Variants in ATP8A2 observed in about 807,000 individuals in gnomAD.
ATP8A2 encodes ATPase phospholipid transporting 8A2.
Under a neutral mutation model 165.6 loss-of-function variants are expected in ATP8A2, and 100 were observed. That is an observed-to-expected ratio of 0.60 (90% CI 0.51 to 0.71). ATP8A2 has a LOEUF of 0.71. Ranked by LOEUF, ATP8A2 falls within the 30% of genes least tolerant of loss-of-function variation. The pLI is 0.00. For missense variants in ATP8A2, 1,227 were observed against 1,479.5 expected (o/e 0.83, Z 2.80); for synonymous variants, 543 against 548.8 (o/e 0.99, Z 0.15).
intron 27 of ATP8A2, among the ~76,000 whole-genome samples, chr13:25,819,067 A>G (rs550519668): frequency 6.6e-6 from 1 of 152,344 alleles, no homozygotes; most frequent in African/African-American, 2.4e-5. Context: ...CTCAGGAATC[A>G]ATAGAAACAG....
rs139123022 is a variant in ATP8A2 at position 25,699,731 on chromosome 13, T to C, written c.2384+386T>C. On this transcript the variant is annotated intron_variant, in intron 25 of 36. Coordinates refer to ENST00000381655, the MANE Select transcript of ATP8A2 (RefSeq NM_016529.6). The stretch of plus-strand genomic sequence containing the variant: ...TTTGATGCTTCTTTTCTGGCGTTTG[T>C]TGGGGTATTTCTTTTCAGTTAAGGA... 2.6e-3 allele frequency among the ~76,000 whole-genome samples: 394 copies of C among 152,252 alleles called. 2 individuals are homozygous for C. The highest frequency in any genetic ancestry group is 9.1e-3 in the African/African-American group (377 of 41,546).
At chr13:25,463,589 A>C (rs115106176) in intron 1 of ATP8A2, among the ~76,000 whole-genome samples, 1,752 of 152,292 alleles carry the variant, frequency 0.012, 38 homozygotes, top group African/African-American at 0.04. Context: ...TGTAAGGTCC[A>C]TCATTGTCCT....
intron 24 of ATP8A2, among the ~76,000 whole-genome samples, chr13:25,613,097 G>A (rs1034758555): frequency 6.6e-6 from 1 of 152,096 alleles, no homozygotes; most frequent in Admixed American, 6.5e-5. Context: ...TATATTTTAG[G>A]TGGAGCATAT....
At chr13:25,525,953 T>A (rs71431756) in intron 2 of ATP8A2, among the ~76,000 whole-genome samples, 2,297 of 152,242 alleles carry the variant, frequency 0.015, 64 homozygotes, top group East Asian at 0.1. Context: ...CTTTGTCTTT[T>A]GAGGTAATTT....
chr13:25,871,843 C>T (rs530864418), intron 33 of ATP8A2, among the ~76,000 whole-genome samples: 7 of 152,072 alleles, frequency 4.6e-5, no homozygotes, highest in Non-Finnish European at 1.0e-4. Flanking sequence ...ATGTATACTT[C>T]GATTCGCAAT....
At chr13:25,871,280 C>A in intron 33 of ATP8A2, 2 of 297,716 alleles carry the variant, frequency 6.7e-6, no homozygotes, top group South Asian at 2.7e-5. Context: ...TGGTTTTGAA[C>A]TTTTCCTTTC....
intron 2 of ATP8A2, among the ~76,000 whole-genome samples, chr13:25,472,018 G>A (rs768661676): frequency 6.6e-6 from 1 of 152,166 alleles, no homozygotes; most frequent in Non-Finnish European, 1.5e-5. Flanking sequence ...TCTTTAAAAT[G>A]GCCTTTGAGT....
intron 2 of ATP8A2, among the ~76,000 whole-genome samples, chr13:25,506,973 A>C (rs1373478217): frequency 1.4e-5 from 2 of 140,500 alleles, no homozygotes; most frequent in East Asian, 3.9e-4. Context: ...CTTATTTTAC[A>C]TATAAAACTT....
chr13:25,450,281 A>G (rs2035177243), intron 1 of ATP8A2, among the ~76,000 whole-genome samples: 1 of 152,200 alleles, frequency 6.6e-6, no homozygotes, highest in African/African-American at 2.4e-5. Context: ...GCTGCAATGA[A>G]CATGCGTGCA....
chr13:25,452,490 A>G (rs1456745204), intron 1 of ATP8A2, among the ~76,000 whole-genome samples: 1 of 152,134 alleles, frequency 6.6e-6, no homozygotes, highest in Non-Finnish European at 1.5e-5. Context: ...ATATCAATAT[A>G]GTTTTCTTGA....
At chr13:25,693,629 G>T (rs190708461) in intron 24 of ATP8A2, among the ~76,000 whole-genome samples, 2 of 152,172 alleles carry the variant, frequency 1.3e-5, no homozygotes, top group East Asian at 3.9e-4. Flanking sequence ...AGGCTGAATA[G>T]CCCACCAAGA....
intron 25 of ATP8A2, among the ~76,000 whole-genome samples, chr13:25,711,391 T>TA (rs1043202009): frequency 3.3e-5 from 5 of 152,006 alleles, no homozygotes; most frequent in African/African-American, 1.2e-4. Flanking sequence ...GGTATGGAAT[T>TA]AAAGTATTTT....
rs1221659501 is a variant in ATP8A2 at position 25,774,783 on chromosome 13, ATTCTGT to A, written c.2569-63_2569-58del. 81 of 910,930 alleles carry A rather than the reference ATTCTGT, an allele frequency of 8.9e-5. No homozygotes were observed. In the Admixed American group the frequency reaches 1.5e-3, roughly 17 times the overall value. The allele number at this position is 910,930 out of a possible 1,614,324, so 56.4% of individuals were successfully genotyped here. On this transcript the variant is annotated intron_variant, in intron 26 of 36. Coordinates refer to ENST00000381655, the MANE Select transcript of ATP8A2 (RefSeq NM_016529.6). ...TTATCTGACTTCTGTTCATAAGGAC[ATTCTGT>A]TTGTGACTTTTATTCCTCAATGATG...
chr13:25,430,236 G>C (rs1027679778), intron 1 of ATP8A2, among the ~76,000 whole-genome samples: 2 of 152,002 alleles, frequency 1.3e-5, no homozygotes, highest in African/African-American at 4.8e-5. Context: ...GACCTCTGGC[G>C]AATGTGCAGC....
rs1566075560 is a variant in ATP8A2 at position 25,719,467 on chromosome 13, G to GGA, written c.2384+20122_2384+20123insGA. Among the ~76,000 whole-genome samples the GGA allele has an allele frequency of 9.1e-4, 136 of 150,240 alleles. 1 individual carries two copies. Among genetic ancestry groups the GGA allele is most frequent in the African/African-American group, 3.1e-3 (125 of 40,066 alleles). On this transcript the variant is annotated intron_variant, in intron 25 of 36. Transcript: ENST00000381655. ...GGTGGATGGGTGGATGGGTGGATGG[G>GGA]TGGATGGATGGATGGATGGATGGAT...
At chr13:25,773,558 G>A (rs2044673670) in intron 26 of ATP8A2, among the ~76,000 whole-genome samples, 1 of 152,178 alleles carries the variant, frequency 6.6e-6, no homozygotes, top group Admixed American at 6.5e-5. Context: ...TCAAACCACA[G>A]GAGCCATCAC....
intron 24 of ATP8A2, among the ~76,000 whole-genome samples, chr13:25,655,383 C>T (rs866032771): frequency 5.9e-5 from 9 of 152,180 alleles, no homozygotes; most frequent in Admixed American, 3.3e-4. Flanking sequence ...TGGTCTCGAA[C>T]TCCGACCTCA....
At chr13:25,480,731 G>A (rs1478707250) in intron 2 of ATP8A2, among the ~76,000 whole-genome samples, 1 of 151,002 alleles carries the variant, frequency 6.6e-6, no homozygotes, top group East Asian at 2.0e-4. Flanking sequence ...AGGCAGAGAC[G>A]CTCCTCACTT....
At chr13:25,567,573 G>A (rs923575308) in intron 16 of ATP8A2, among the ~76,000 whole-genome samples, 2 of 152,100 alleles carry the variant, frequency 1.3e-5, no homozygotes, top group African/African-American at 4.8e-5. Context: ...GAGACTTCAA[G>A]GGCATTTTAA....
Sources: allele counts gnomAD v4.1 joint callset (sites outside exome capture counted in the v4.1 genomes callset), GRCh38; gene constraint gnomAD v4.1.1; transcripts MANE v1.5; gene names NCBI Gene and HGNC (gene_info 2026-07-23, HGNC 2026-07-21).